NAV3: variants seen among roughly 807,000 people sequenced by gnomAD.
NAV3 encodes the protein neuron navigator 3, also known as pore membrane and/or filament interacting like protein 1.
In NAV3, 87 loss-of-function variants were observed where a neutral mutation model predicts 244.7. The ratio of observed to expected loss-of-function variants is 0.36; its 90% confidence interval spans 0.30 to 0.42. The LOEUF (loss-of-function observed/expected upper bound fraction) is 0.42, where lower values mean the gene tolerates loss of function less well. Among genes scored for constraint, NAV3 ranks in the 20% least tolerant of loss-of-function variants. NAV3 has a pLI of 1.00. For missense variants in NAV3, 2,663 were observed against 2,893.3 expected, an observed-to-expected ratio of 0.92 and a Z score of 1.83; for synonymous variants, 1,126 against 1,042.2, an observed-to-expected ratio of 1.08 and a Z score of -1.55.
intron 2 of NAV3, among the ~76,000 whole-genome samples, chr12:77,756,352 A>C (rs1869178049): frequency 6.6e-6 from 1 of 151,020 alleles, no homozygotes; most frequent in Non-Finnish European, 1.5e-5. Flanking sequence ...TTTAACTGAC[A>C]CTTTTTTTTT....
At chr12:77,745,988 T>A (rs1481115672) in intron 2 of NAV3, among the ~76,000 whole-genome samples, 51 of 107,486 alleles carry the variant, frequency 4.7e-4, no homozygotes, top group Middle Eastern at 5.2e-3. Context: ...AGACTTAAGG[T>A]AAAAAAAAAA....
chr12:78,126,174 T>C (rs1955898247), intron 16 of NAV3, among the ~76,000 whole-genome samples: 2 of 152,232 alleles, frequency 1.3e-5, no homozygotes, highest in Admixed American at 6.5e-5. Context: ...AGCCTTTGGA[T>C]GCTTTTGATT....
At chr12:78,157,274 G>C (rs1957342296) in intron 22 of NAV3, among the ~76,000 whole-genome samples, 1 of 151,920 alleles carries the variant, frequency 6.6e-6, no homozygotes, top group Non-Finnish European at 1.5e-5. Flanking sequence ...TTCAGGTGTG[G>C]TGGCTCACAC....
chr12:77,679,976 C>T (rs112222162), intron 2 of NAV3, among the ~76,000 whole-genome samples: 1 of 151,978 alleles, frequency 6.6e-6, no homozygotes, highest in African/African-American at 2.4e-5. Flanking sequence ...CATGTCCTTG[C>T]CTTTCATAAG....
chr12:78,108,163 A>G (rs1174554430), intron 12 of NAV3, among the ~76,000 whole-genome samples: 5 of 152,132 alleles, frequency 3.3e-5, no homozygotes, highest in Non-Finnish European at 7.4e-5. Context: ...GCTATACTTA[A>G]ATTAGATCAT....
chr12:77,838,923 C>T (rs555853704), intron 1 of NAV3, among the ~76,000 whole-genome samples: 1 of 152,266 alleles, frequency 6.6e-6, no homozygotes, highest in African/African-American at 2.4e-5. Flanking sequence ...CTAAGAGTAA[C>T]ATTTTTATCT....
chr12:77,607,609 G>A (rs532944410), intron 2 of NAV3, among the ~76,000 whole-genome samples: 252 of 152,178 alleles, frequency 1.7e-3, no homozygotes, highest in African/African-American at 5.8e-3. Context: ...GTATGGTGGG[G>A]TGGTGCTGAT....
intron 1 of NAV3, among the ~76,000 whole-genome samples, chr12:77,884,131 C>T (rs767367659): frequency 2.6e-5 from 4 of 151,956 alleles, no homozygotes; most frequent in Non-Finnish European, 5.9e-5. Context: ...AGAACGGTGC[C>T]TAGAAGCAGT....
chr12:77,957,229 G>A (rs182993439), intron 3 of NAV3, among the ~76,000 whole-genome samples: 2 of 152,130 alleles, frequency 1.3e-5, no homozygotes, highest in East Asian at 3.9e-4. Flanking sequence ...TATTTTACAA[G>A]CTCACAAAGG....
intron 2 of NAV3, among the ~76,000 whole-genome samples, chr12:77,753,447 A>G (rs1868964004): frequency 6.6e-6 from 1 of 152,270 alleles, no homozygotes; most frequent in African/African-American, 2.4e-5. Flanking sequence ...GCAGTAGCCA[A>G]AAGCCACCTT....
intron 2 of NAV3, among the ~76,000 whole-genome samples, chr12:77,696,444 A>T (rs1565776239): frequency 6.6e-6 from 1 of 152,088 alleles, no homozygotes; most frequent in Admixed American, 6.6e-5. Context: ...AAATAACTGA[A>T]TTTTGCCAAT....
intron 2 of NAV3, among the ~76,000 whole-genome samples, chr12:77,736,700 G>A (rs1257425028): frequency 6.6e-6 from 1 of 152,208 alleles, no homozygotes; most frequent in African/African-American, 2.4e-5. Flanking sequence ...ATGAATACTG[G>A]AAGCTGTGAT....
At chr12:77,903,531 C>T (rs1295132858) in intron 1 of NAV3, among the ~76,000 whole-genome samples, 1 of 152,100 alleles carries the variant, frequency 6.6e-6, no homozygotes, top group East Asian at 1.9e-4. Context: ...GACCTAAAAC[C>T]ATAAAAACTC....
At chr12:78,128,565 A>G (rs1956026076) in intron 17 of NAV3, 141 bp from the exon 18 acceptor site, 1 of 795,810 alleles carries the variant, frequency 1.3e-6, no homozygotes, top group African/African-American at 1.8e-5. Flanking sequence ...ATCATCTGGA[A>G]GAACTGAGCA....
intron 3 of NAV3, among the ~76,000 whole-genome samples, chr12:77,957,972 G>A (rs553189821): frequency 7.9e-5 from 12 of 152,100 alleles, no homozygotes; most frequent in Non-Finnish European, 1.8e-4. Context: ...GCCAATATCA[G>A]TGTTTCTAAT....
intron 2 of NAV3, among the ~76,000 whole-genome samples, chr12:77,709,695 A>G (rs1205747704): frequency 6.6e-6 from 1 of 152,198 alleles, no homozygotes; most frequent in East Asian, 1.9e-4. Flanking sequence ...CCATCATCAT[A>G]GTCTGGCAAA....
At chr12:78,180,765 CATGTTTT>C in intron 29 of NAV3, 99 bp from the exon 30 acceptor site, 1 of 858,320 alleles carries the variant, frequency 1.2e-6, no homozygotes, top group South Asian at 1.9e-5. Flanking sequence ...AACATATTAA[CATGTTTT>C]ATTTAACAAA....
At chr12:77,661,064 C>G (rs1453505152) in intron 2 of NAV3, among the ~76,000 whole-genome samples, 1 of 152,106 alleles carries the variant, frequency 6.6e-6, no homozygotes, top group Non-Finnish European at 1.5e-5. Context: ...ACCTTCAAGG[C>G]TTTAAATGTG....
At chr12:77,829,695 T>C (rs1873394406), upstream of NAV3, among the ~76,000 whole-genome samples, 1 of 152,252 alleles carries the variant, frequency 6.6e-6, no homozygotes, top group Non-Finnish European at 1.5e-5. Context: ...CTTGGGTTAC[T>C]ATTTTTAAAG....
Sources: gnomAD v4.1 joint callset for allele counts (sites outside exome capture counted in the v4.1 genomes callset) on GRCh38, gnomAD v4.1.1 for gene constraint, MANE v1.5 for transcripts, NCBI Gene and HGNC (gene_info 2026-07-23, HGNC 2026-07-21) for gene names.